BLK: variants seen among roughly 807,000 people sequenced by gnomAD.
BLK encodes the protein tyrosine-protein kinase Blk.
BLK carries 64 observed loss-of-function variants against 61.8 expected under a neutral mutation model. The observed-to-expected ratio is 1.03, with a 90% CI of 0.85 to 1.27. BLK has a LOEUF of 1.27. BLK is among the 50% of genes most tolerant of loss of function. BLK has a pLI of 0.00. For synonymous variants in BLK, 351 were observed against 272.0 expected, an observed-to-expected ratio of 1.29 and a Z score of -2.86; for missense variants, 853 against 660.5, an observed-to-expected ratio of 1.29 and a Z score of -3.19.
chr8:11,521,418 G>T (rs1799441812), intron 1 of BLK, among the ~76,000 whole-genome samples: 1 of 152,154 alleles, frequency 6.6e-6, no homozygotes. Flanking sequence ...AGCCTCCCGA[G>T]TAGCTGGGAC....
chr8:11,542,293 T>C (rs75907152), intron 1 of BLK, among the ~76,000 whole-genome samples: 2,001 of 152,320 alleles, frequency 0.013, 20 homozygotes, highest in African/African-American at 0.023. Context: ...AAAAGGTCCA[T>C]CTTAGAATTG....
intron 1 of BLK, among the ~76,000 whole-genome samples, chr8:11,528,741 A>G (rs1217681336): frequency 6.6e-6 from 1 of 152,126 alleles, no homozygotes; most frequent in Non-Finnish European, 1.5e-5. Context: ...CAGATTTAGT[A>G]CAGCATTTAA....
At chr8:11,514,067 C>T (rs185678296) in intron 1 of BLK, among the ~76,000 whole-genome samples, 200 of 152,254 alleles carry the variant, frequency 1.3e-3, no homozygotes, top group African/African-American at 4.7e-3. Flanking sequence ...CCAAGGGGAT[C>T]GGACCTTCCC....
chr8:11,517,767 C>G (rs774572552), intron 1 of BLK, among the ~76,000 whole-genome samples: 3 of 152,204 alleles, frequency 2.0e-5, no homozygotes, highest in Non-Finnish European at 4.4e-5. Context: ...GAGGCAGCAC[C>G]CATGGTGCAG....
chr8:11,517,857 G>A (rs1799288382), intron 1 of BLK, among the ~76,000 whole-genome samples: 1 of 152,226 alleles, frequency 6.6e-6, no homozygotes, highest in Non-Finnish European at 1.5e-5. Context: ...TGAGTCAAGG[G>A]TCACCTTTCA....
In BLK at chr8:11,543,484, C is replaced by T. The variant is rs529462688; in HGVS notation, c.123+137C>T. On this transcript the variant is annotated intron_variant, in intron 2 of 12. Coordinates refer to ENST00000259089, the MANE Select transcript of BLK (RefSeq NM_001715.3). ...GATCTGCAATGTATAAGCAGGTGTG[C>T]CATGCAATATAACACGCACAGGACC... The T allele has an allele frequency of 1.6e-4, 203 of 1,267,136 alleles. No homozygotes were observed. The African/African-American group carries it at 2.0e-3, about 12-fold the overall frequency. 78.5% of individuals were successfully genotyped at this position (1,267,136 alleles called of 1,614,324 possible).
chr8:11,551,512 G>A (rs1187188416), intron 6 of BLK, among the ~76,000 whole-genome samples: 1 of 152,140 alleles, frequency 6.6e-6, no homozygotes, highest in East Asian at 1.9e-4. Context: ...CACATTCTCA[G>A]GACCGAGGGT....
At chr8:11,558,983 C>A (rs1563123870) in intron 10 of BLK, 1 of 456,292 alleles carries the variant, frequency 2.2e-6, no homozygotes, top group East Asian at 7.0e-5. Flanking sequence ...GCCATCTGGG[C>A]AGGCTGGTTT....
chr8:11,503,720 C>A lies in BLK; in HGVS notation c.-2+9129C>A, dbSNP rs537404976. On this transcript the variant is annotated intron_variant, in intron 1 of 12. Coordinates refer to ENST00000259089, the MANE Select transcript of BLK (RefSeq NM_001715.3). ...CTCTTGGTCACCAGACTGGAGGTTC[C>A]TATGTGCAGGTGTGGAGGATGGAAG... 5.9e-5 allele frequency among the ~76,000 whole-genome samples: 9 copies of A among 152,258 alleles called. No homozygotes were observed. The South Asian group carries it at 1.9e-3, about 32-fold the overall frequency.
In BLK at chr8:11,559,972, T is replaced by A. The variant is rs902849852; in HGVS notation, c.1030-1330T>A. The stretch of plus-strand genomic sequence containing the variant: ...CCTACTCAACATTTTTTAAAATATA[T>A]TTCTGGTACTGTTCAATAAATATTA... On this transcript the variant is annotated intron_variant, in intron 10 of 12. Coordinates refer to ENST00000259089, the MANE Select transcript of BLK (RefSeq NM_001715.3). 3 of 381,204 alleles carry A rather than the reference T, an allele frequency of 7.9e-6. No homozygotes were observed. In the Admixed American group the frequency reaches 1.0e-4, roughly 13 times the overall value. The allele number at this position is 381,204 out of a possible 1,614,324, so 23.6% of individuals were successfully genotyped here.
intron 1 of BLK, among the ~76,000 whole-genome samples, chr8:11,528,526 C>T (rs1799763164): frequency 1.3e-5 from 2 of 152,036 alleles, no homozygotes; most frequent in Non-Finnish European, 2.9e-5. Flanking sequence ...GCTTCAGCAC[C>T]CCTCAATCCT....
chr8:11,543,219 G>C lies in BLK; in HGVS notation c.-1-5G>C. ...TGTCCTCTGTCTGCTGTGTGTCTCC[G>C]ACAGGATGGGGCTGGTAAGTAGCAA... is the stretch of plus-strand genomic sequence containing the variant. On this transcript the variant is annotated splice_polypyrimidine_tract_variant and splice_region_variant and intron_variant, in intron 1 of 12. Transcript: ENST00000259089. 2 of 1,613,700 alleles carry C rather than the reference G, an allele frequency of 1.2e-6. No homozygotes were observed. The highest frequency in any genetic ancestry group is 2.2e-5 in the South Asian group (2 of 91,024).
intron 1 of BLK, among the ~76,000 whole-genome samples, chr8:11,529,570 T>C (rs1033743998): frequency 1.3e-5 from 2 of 152,190 alleles, no homozygotes; most frequent in African/African-American, 4.8e-5. Flanking sequence ...CAGAATCTTG[T>C]AGCCTCCAGC....
At chr8:11,549,778 CAG>C (rs1388300231) in intron 5 of BLK, among the ~76,000 whole-genome samples, 4 of 152,342 alleles carry the variant, frequency 2.6e-5, no homozygotes, top group African/African-American at 9.6e-5. Flanking sequence ...GGTCCCTGCT[CAG>C]AGAGTCTCGG....
Position 11,563,100 on chromosome 8 carries a change from G to T in BLK, c.1302G>T (p.Val434=). ...TGGAAGTTGTCACTTATGGGCGGGT[G>T]CCATACCCAGGTAGGTGGCTCACCC... is the stretch of plus-strand genomic sequence containing the variant. ...LLMEVVTYGR[V]PYPGMSNPEV... The change falls in exon 12 of 13, where the codon GTG becomes GTT. Residue 434 remains valine, a synonymous_variant. Coordinates refer to ENST00000259089, the MANE Select transcript of BLK (RefSeq NM_001715.3). The T allele has an allele frequency of 6.2e-7, 1 of 1,613,740 alleles. No individual in the cohort carries two copies. Among genetic ancestry groups the T allele is most frequent in the Non-Finnish European group, 8.5e-7 (1 of 1,180,010 alleles).
chr8:11,517,687 G>A (rs770469656), intron 1 of BLK, among the ~76,000 whole-genome samples: 1 of 152,170 alleles, frequency 6.6e-6, no homozygotes. Flanking sequence ...GGCAGGGGAC[G>A]GCTTCAGCTC....
intron 1 of BLK, chr8:11,509,331 CACAGGGCTGTTGCCCTGG>C (rs2117278531): frequency 6.6e-6 from 1 of 152,348 alleles, no homozygotes; most frequent in African/African-American, 2.4e-5. Flanking sequence ...ATCCACCATC[CACAGGGCTGTTGCCCTGG>C]ACAGGTCATT....
chr8:11,496,710 T>C (rs1388758517), intron 1 of BLK, among the ~76,000 whole-genome samples: 1 of 152,030 alleles, frequency 6.6e-6, no homozygotes, highest in Non-Finnish European at 1.5e-5. Context: ...AAGCCAGGAA[T>C]GGAGAGAATG....
chr8:11,500,234 C>T lies in BLK; in HGVS notation c.-2+5643C>T, dbSNP rs140746461. ...TTTGAGACAAGGTCTCACTCTGTTG[C>T]CCAGGCTGGAGTGCAATGGTTTGAT... On this transcript the variant is annotated intron_variant, in intron 1 of 12. Transcript: ENST00000259089. Among the ~76,000 whole-genome samples, 356 of 152,284 alleles carry T rather than the reference C, an allele frequency of 2.3e-3. 3 individuals are homozygous for T. Among genetic ancestry groups the T allele is most frequent in the African/African-American group, 8.0e-3 (332 of 41,542 alleles).
Sources: allele counts gnomAD v4.1 joint callset (sites outside exome capture counted in the v4.1 genomes callset), GRCh38; gene constraint gnomAD v4.1.1; transcripts MANE v1.5; gene names NCBI Gene and HGNC (gene_info 2026-07-23, HGNC 2026-07-21).